TERB1: variants seen among roughly 807,000 people sequenced by gnomAD.
TERB1 encodes the protein telomere repeats-binding bouquet formation protein 1.
In TERB1, 63 loss-of-function variants were observed where a neutral mutation model predicts 92.3. The observed-to-expected ratio is 0.68, with a 90% CI of 0.56 to 0.84. The LOEUF (loss-of-function observed/expected upper bound fraction) is 0.84. Among genes scored for constraint, TERB1 ranks in the 40% least tolerant of loss-of-function variants. The probability of loss-of-function intolerance (pLI) is 0.00; values close to 1 mark genes in which losing one functional copy is unlikely to be tolerated. For synonymous variants in TERB1, 252 were observed against 283.9 expected, an observed-to-expected ratio of 0.89 and a Z score of 1.13; for missense variants, 709 against 843.7, an observed-to-expected ratio of 0.84 and a Z score of 1.98.
At chr16:66,784,434 T>A (rs1465344213) in intron 9 of TERB1, among the ~76,000 whole-genome samples, 2 of 151,564 alleles carry the variant, frequency 1.3e-5, no homozygotes, top group Non-Finnish European at 2.9e-5. Flanking sequence ...CAGGTTCAAG[T>A]GATTCTCCTG....
intron 16 of TERB1, among the ~76,000 whole-genome samples, chr16:66,761,071 C>T (rs1176453418): frequency 7.2e-6 from 1 of 139,220 alleles, no homozygotes; most frequent in African/African-American, 2.7e-5. Flanking sequence ...GAGATCGCGA[C>T]TGCACTCCAA....
intron 2 of TERB1, among the ~76,000 whole-genome samples, chr16:66,797,051 T>C (rs1425127882): frequency 6.6e-6 from 1 of 152,206 alleles, no homozygotes; most frequent in Non-Finnish European, 1.5e-5. Flanking sequence ...TGAGGCTCTG[T>C]ATCCTCATCT....
intron 2 of TERB1, among the ~76,000 whole-genome samples, chr16:66,800,762 G>A (rs192781338): frequency 2.9e-4 from 44 of 152,178 alleles, no homozygotes; most frequent in Admixed American, 1.0e-3. Context: ...TCGTTTAAAC[G>A]GTCAAGAAAT....
intron 14 of TERB1, among the ~76,000 whole-genome samples, chr16:66,769,254 C>T (rs1408407983): frequency 6.6e-6 from 1 of 152,106 alleles, no homozygotes; most frequent in Admixed American, 6.5e-5. Flanking sequence ...CATACCTGAG[C>T]AATCAAGTTA....
At chr16:66,766,456 G>A (rs559527558) in intron 16 of TERB1, among the ~76,000 whole-genome samples, 36 of 152,110 alleles carry the variant, frequency 2.4e-4, no homozygotes, top group African/African-American at 8.2e-4. Flanking sequence ...GAAATACCGG[G>A]GTGTGAAGGA....
At chr16:66,777,447 A>C in intron 10 of TERB1, 113 bp from the exon 11 acceptor site, 1 of 559,236 alleles carries the variant, frequency 1.8e-6, no homozygotes, top group Non-Finnish European at 3.0e-6. Context: ...TCTATATAAA[A>C]TTAAATATAC....
intron 16 of TERB1, among the ~76,000 whole-genome samples, chr16:66,767,173 C>CAAA (rs879545796): frequency 3.1e-5 from 3 of 95,238 alleles, no homozygotes; most frequent in East Asian, 5.7e-4. Context: ...CGAAAAAATA[C>CAAA]AAAAAAAAAA....
intron 9 of TERB1, among the ~76,000 whole-genome samples, chr16:66,780,401 T>TA (rs5817602): frequency 0.46 from 68,212 of 147,122 alleles, 16,501 homozygotes; most frequent in African/African-American, 0.63. Flanking sequence ...CTCTACAAAA[T>TA]AAAAAAAAAA....
At chr16:66,782,037 C>T (rs933327219) in intron 9 of TERB1, among the ~76,000 whole-genome samples, 1 of 152,146 alleles carries the variant, frequency 6.6e-6, no homozygotes, top group African/African-American at 2.4e-5. Context: ...ATATTTTTCA[C>T]TCTTATACTT....
intron 6 of TERB1, among the ~76,000 whole-genome samples, chr16:66,787,275 TTC>T (rs1329644805): frequency 2.2e-5 from 3 of 137,806 alleles, no homozygotes; most frequent in Admixed American, 1.6e-4. Context: ...ATTTTTCTTT[TTC>T]TTTTTCTTTT....
chr16:66,762,140 C>T (rs551842267), intron 16 of TERB1, among the ~76,000 whole-genome samples: 1 of 152,226 alleles, frequency 6.6e-6, no homozygotes, highest in East Asian at 1.9e-4. Flanking sequence ...GATCCTTAAG[C>T]TCAGTCATCT....
intron 3 of TERB1, among the ~76,000 whole-genome samples, 156 bp from the exon 4 acceptor site, chr16:66,791,175 T>A (rs11075644): frequency 0.49 from 74,608 of 151,834 alleles, 18,935 homozygotes; most frequent in East Asian, 0.63. Flanking sequence ...GTATTTTTTT[T>A]AAAAATGTTC....
Position 66,790,908 on chromosome 16 carries a change from C to G in TERB1, c.142+1G>C, listed in dbSNP as rs917263469. On this transcript the variant is annotated splice_donor_variant, in intron 4 of 18. Transcript: ENST00000433154. LOFTEE classifies it high-confidence loss of function. Reference sequence around the variant, plus strand: ...GATAAAAATTCACTATTATATCTTACTGTTTTGTTGACAAATTGAATGAAT... The same window carrying G: ...GATAAAAATTCACTATTATATCTTAGTGTTTTGTTGACAAATTGAATGAAT... The G allele has an allele frequency of 2.8e-5, 43 of 1,532,344 alleles. No individual in the cohort carries two copies. The highest frequency in any genetic ancestry group is 8.0e-5 in the Admixed American group (4 of 50,178). 94.9% of individuals were successfully genotyped at this position (1,532,344 alleles called of 1,614,324 possible). A position where few individuals can be genotyped will look rare whatever the true frequency, so the allele number is the denominator to read the frequency against.
intron 13 of TERB1, among the ~76,000 whole-genome samples, chr16:66,771,516 T>A (rs1161060659): frequency 6.6e-6 from 1 of 152,128 alleles, no homozygotes; most frequent in East Asian, 1.9e-4. Context: ...ACAGCATCCA[T>A]GAATTTGGGT....
At chr16:66,796,746 A>G in intron 3 of TERB1, 22 bp downstream of exon 3, 1 of 1,505,208 alleles carries the variant, frequency 6.6e-7, no homozygotes, top group Non-Finnish European at 9.0e-7. Context: ...CATTGCAGAT[A>G]TATGATCCAT....
intron 18 of TERB1, among the ~76,000 whole-genome samples, chr16:66,756,347 T>G (rs148566772): frequency 6.6e-6 from 1 of 152,324 alleles, no homozygotes; most frequent in African/African-American, 2.4e-5. Context: ...CAGAAGGTTA[T>G]CAGTGTAAAT....
At chr16:66,759,527 C>T (rs751754672) in intron 16 of TERB1, among the ~76,000 whole-genome samples, 1 of 152,056 alleles carries the variant, frequency 6.6e-6, no homozygotes, top group Non-Finnish European at 1.5e-5. Flanking sequence ...AGGCCGGCCA[C>T]GGTGGCTCAT....
chr16:66,793,740 T>A (rs2018878544), intron 3 of TERB1, among the ~76,000 whole-genome samples: 1 of 152,058 alleles, frequency 6.6e-6, no homozygotes, highest in Admixed American at 6.6e-5. Context: ...TTCGAACTCC[T>A]GAGCTCAGGC....
chr16:66,764,849 C>T (rs2018311614), intron 16 of TERB1, among the ~76,000 whole-genome samples: 1 of 152,136 alleles, frequency 6.6e-6, no homozygotes, highest in Admixed American at 6.5e-5. Context: ...GTTTAGGATA[C>T]ATTAAGCTTA....
Sources: allele counts gnomAD v4.1 joint callset (sites outside exome capture counted in the v4.1 genomes callset), GRCh38; gene constraint gnomAD v4.1.1; transcripts MANE v1.5; gene names NCBI Gene and HGNC (gene_info 2026-07-23, HGNC 2026-07-21).